Variants in PTPRN2 observed in about 807,000 individuals in gnomAD.
PTPRN2 encodes the protein protein tyrosine phosphatase receptor type N2.
Under a neutral mutation model 118.8 loss-of-function variants are expected in PTPRN2, and 74 were observed. The observed-to-expected ratio is 0.62, with a 90% CI of 0.52 to 0.76. The LOEUF (loss-of-function observed/expected upper bound fraction) is 0.76. Among genes scored for constraint, PTPRN2 ranks in the 30% least tolerant of loss-of-function variants. The pLI is 0.00. For synonymous variants in PTPRN2, 641 were observed against 608.0 expected (o/e 1.05, Z -0.80); for missense variants, 1,481 against 1,394.4 (o/e 1.06, Z -0.99).
intron 2 of PTPRN2, among the ~76,000 whole-genome samples, chr7:158,424,188 G>A (rs553454832): frequency 6.6e-6 from 1 of 152,246 alleles, no homozygotes; most frequent in African/African-American, 2.4e-5. Flanking sequence ...TGGATGCAGA[G>A]AGGCCAGAGA....
intron 2 of PTPRN2, among the ~76,000 whole-genome samples, chr7:158,462,689 G>A (rs1404928326): frequency 6.6e-6 from 1 of 152,140 alleles, no homozygotes; most frequent in African/African-American, 2.4e-5. Flanking sequence ...CAGGCCCTGT[G>A]TTTCTCACGT....
chr7:157,561,585 G>T (rs975765707), intron 21 of PTPRN2, among the ~76,000 whole-genome samples: 2 of 152,254 alleles, frequency 1.3e-5, no homozygotes, highest in Non-Finnish European at 2.9e-5. Context: ...GCTGACCGGA[G>T]GCCTTGAGGC....
At chr7:157,718,635 CCGTGGTGAGTCTCAGCA>C (rs1799056846) in intron 12 of PTPRN2, among the ~76,000 whole-genome samples, 1 of 150,096 alleles carries the variant, frequency 6.7e-6, no homozygotes, top group Non-Finnish European at 1.5e-5. Flanking sequence ...CTCGGTGGCC[CCGTGGTGAGTCTCAGCA>C]TGTCCAGGCA....
intron 21 of PTPRN2, among the ~76,000 whole-genome samples, chr7:157,554,883 T>C (rs1798801410): frequency 6.7e-6 from 1 of 150,002 alleles, no homozygotes; most frequent in African/African-American, 2.5e-5. Flanking sequence ...TTTCTGCTAC[T>C]TGACCAGGTT....
intron 13 of PTPRN2, among the ~76,000 whole-genome samples, chr7:157,663,121 G>A (rs900318247): frequency 3.3e-5 from 5 of 152,036 alleles, no homozygotes; most frequent in African/African-American, 9.6e-5. Flanking sequence ...TCTGCAGCCC[G>A]AGCTCCACCC....
chr7:157,738,822 T>A (rs574502850), intron 12 of PTPRN2, among the ~76,000 whole-genome samples: 40 of 152,238 alleles, frequency 2.6e-4, no homozygotes, highest in East Asian at 1.9e-4. Flanking sequence ...AGGGGCATCA[T>A]GTCCTTAGGA....
intron 11 of PTPRN2, among the ~76,000 whole-genome samples, chr7:158,076,533 A>G (rs1812373295): frequency 6.6e-6 from 1 of 152,244 alleles, no homozygotes. Flanking sequence ...CATCAGCTGC[A>G]GTGAAACTCA....
chr7:158,222,512 A>T (rs570832056), intron 3 of PTPRN2, among the ~76,000 whole-genome samples: 15 of 152,304 alleles, frequency 9.8e-5, no homozygotes, highest in African/African-American at 3.6e-4. Flanking sequence ...TTATAAGTGG[A>T]AACTAAACAC....
chr7:158,078,335 G>A (rs1585363932), intron 11 of PTPRN2, among the ~76,000 whole-genome samples: 1 of 152,216 alleles, frequency 6.6e-6, no homozygotes. Context: ...GCAGCTGGCA[G>A]GTGGCAGGTG....
Position 157,844,459 on chromosome 7 carries a change from C to T in PTPRN2, c.1788+54214G>A, listed in dbSNP as rs539073286. Among the ~76,000 whole-genome samples the T allele has an allele frequency of 9.9e-5, 15 of 152,246 alleles. No individual in the cohort carries two copies. In the East Asian group the frequency reaches 1.7e-3, roughly 18 times the overall value. Reference sequence around the variant, plus strand: ...TAGAGCTGAAATTCGAGGAAGAAACCGGACATCTGGGGCAGAGGAACGACC... The same window carrying T: ...TAGAGCTGAAATTCGAGGAAGAAACTGGACATCTGGGGCAGAGGAACGACC... On this transcript the variant is annotated intron_variant, in intron 12 of 22. Transcript: ENST00000389418.
At chr7:158,354,001 G>A (rs746370738) in intron 2 of PTPRN2, among the ~76,000 whole-genome samples, 7 of 152,206 alleles carry the variant, frequency 4.6e-5, no homozygotes, top group Non-Finnish European at 7.3e-5. Context: ...CAATCAGAGT[G>A]GCCACTCGCA....
intron 2 of PTPRN2, among the ~76,000 whole-genome samples, chr7:158,387,846 C>T (rs1018437224): frequency 7.9e-5 from 12 of 152,146 alleles, no homozygotes; most frequent in African/African-American, 2.7e-4. Flanking sequence ...AGCAGGAACC[C>T]GCCTCTGAAT....
chr7:157,663,165 G>A (rs780476215), intron 13 of PTPRN2, among the ~76,000 whole-genome samples: 14 of 152,154 alleles, frequency 9.2e-5, no homozygotes, highest in African/African-American at 3.4e-4. Flanking sequence ...GAAGTTCCCC[G>A]GGCATCGGCG....
chr7:158,520,599 G>A (rs947195986), intron 1 of PTPRN2, among the ~76,000 whole-genome samples: 6 of 152,172 alleles, frequency 3.9e-5, no homozygotes, highest in South Asian at 4.1e-4. Context: ...CTCCAACCCC[G>A]ACTTCCAAGC....
chr7:157,853,393 G>A (rs1038771082), intron 12 of PTPRN2, among the ~76,000 whole-genome samples: 5 of 152,122 alleles, frequency 3.3e-5, no homozygotes, highest in Non-Finnish European at 7.4e-5. Context: ...GAAGCATCCC[G>A]CACCGTGCCC....
At chr7:158,329,945 A>C (rs1377644384) in intron 2 of PTPRN2, among the ~76,000 whole-genome samples, 1 of 151,918 alleles carries the variant, frequency 6.6e-6, no homozygotes, top group East Asian at 1.9e-4. Context: ...ACCAACTCAC[A>C]AAATCCTCAG....
chr7:158,311,917 GCACA>G (rs756735906), intron 3 of PTPRN2, among the ~76,000 whole-genome samples: 2 of 134,894 alleles, frequency 1.5e-5, no homozygotes, highest in African/African-American at 6.2e-5. Context: ...GCACACACCT[GCACA>G]CACATGTGCT....
chr7:157,724,839 G>A (rs1363287773), intron 12 of PTPRN2, among the ~76,000 whole-genome samples: 1 of 152,186 alleles, frequency 6.6e-6, no homozygotes, highest in Non-Finnish European at 1.5e-5. Flanking sequence ...TCTGTGTATT[G>A]TTGAGTCTGC....
rs1485298291 is a variant in PTPRN2 at position 157,676,321 on chromosome 7, A to T, written c.2001+6404T>A. 6.6e-6 allele frequency among the ~76,000 whole-genome samples: 1 copy of T among 151,892 alleles called. No individual in the cohort carries two copies. Among genetic ancestry groups the T allele is most frequent in the African/African-American group, 2.4e-5 (1 of 41,342 alleles). On this transcript the variant is annotated intron_variant, in intron 13 of 22. Transcript: ENST00000389418. The surrounding 1 kb of genome is among the most constrained non-coding windows in gnomAD (Gnocchi z 5.6). Reference sequence around the variant, plus strand: ...CCTCCATCTCCCGCCAGCCGCCAAGAGCTCCACCCACCACCTGGCCCAGCC... The same window carrying T: ...CCTCCATCTCCCGCCAGCCGCCAAGTGCTCCACCCACCACCTGGCCCAGCC...
Sources: gnomAD v4.1 joint callset for allele counts (sites outside exome capture counted in the v4.1 genomes callset) on GRCh38, gnomAD v4.1.1 for gene constraint, Gnocchi (gnomAD v3.1) non-coding constraint, MANE v1.5 for transcripts, NCBI Gene and HGNC (gene_info 2026-07-23, HGNC 2026-07-21) for gene names.